The following NPIPA8 variants were observed in gnomAD, a reference collection of about 807,000 sequenced individuals.
NPIPA8 encodes the protein nuclear pore complex-interacting protein family member A8.
In NPIPA8, 1 loss-of-function variant was observed where a neutral mutation model predicts 7.1. That is an observed-to-expected ratio of 0.14 (90% CI 0.05 to 0.66). The LOEUF (loss-of-function observed/expected upper bound fraction) is 0.66, where lower values mean the gene tolerates loss of function less well. Among genes scored for constraint, NPIPA8 ranks in the 30% least tolerant of loss-of-function variants. The probability of loss-of-function intolerance (pLI) is 0.84; values close to 1 mark genes in which losing one functional copy is unlikely to be tolerated.
chr16:18,323,846 A>AG (rs1159167811), intron 4 of NPIPA8, among the ~76,000 whole-genome samples: 58 of 122,050 alleles, frequency 4.8e-4, no homozygotes, highest in African/African-American at 1.4e-3. Flanking sequence ...AAAAAAAAAA[A>AG]AAGAGAAAGG....
chr16:18,324,782 C>A (rs1180725945), intron 2 of NPIPA8, among the ~76,000 whole-genome samples: 15 of 60,850 alleles, frequency 2.5e-4, no homozygotes, highest in Admixed American at 7.6e-4. Context: ...CCAGCCTGAG[C>A]GACAGAATGA....
At chr16:18,324,841 A>G (rs1216743185) in intron 2 of NPIPA8, among the ~76,000 whole-genome samples, 1 of 68,198 alleles carries the variant, frequency 1.5e-5, no homozygotes, top group African/African-American at 6.5e-5. Flanking sequence ...CACACACACA[A>G]AGAATGACAT....
chr16:18,335,820 T>C (rs899362620), upstream of NPIPA8, among the ~76,000 whole-genome samples: 1 of 133,010 alleles, frequency 7.5e-6, no homozygotes, highest in African/African-American at 3.1e-5. Flanking sequence ...TTTGTGGGAT[T>C]TTTTTTTTCT....
At chr16:18,336,161 C>T (rs1900176913), upstream of NPIPA8, among the ~76,000 whole-genome samples, 1 of 100,262 alleles carries the variant, frequency 1.0e-5, no homozygotes, top group Non-Finnish European at 1.9e-5. Flanking sequence ...TGCTATGTTG[C>T]CCAGGCTGGT....
chr16:18,336,215 G>A, upstream of NPIPA8, among the ~76,000 whole-genome samples: 1 of 124,344 alleles, frequency 8.0e-6, no homozygotes, highest in Non-Finnish European at 1.6e-5. Flanking sequence ...GCCTCCTGAA[G>A]TGTTGGGATT....
At chr16:18,336,281 C>T (rs1325927618), upstream of NPIPA8, among the ~76,000 whole-genome samples, 3 of 116,826 alleles carry the variant, frequency 2.6e-5, no homozygotes, top group Admixed American at 2.7e-4. Flanking sequence ...AAGGGACTAA[C>T]TCGGCCTCTT....
upstream of NPIPA8, among the ~76,000 whole-genome samples, chr16:18,336,069 G>A (rs372762095): frequency 0.059 from 8,342 of 141,184 alleles, 31 homozygotes; most frequent in Admixed American, 0.12. Flanking sequence ...TGATCTGCCC[G>A]CCTCGGCCTC....
chr16:18,324,924 CG>C (rs1467501096), intron 2 of NPIPA8, among the ~76,000 whole-genome samples: 1 of 84,240 alleles, frequency 1.2e-5, no homozygotes, highest in East Asian at 2.8e-4. Context: ...AACCTGAGGT[CG>C]GGAGTTTGAG....
chr16:18,323,541 G>T (rs973508617), intron 4 of NPIPA8, among the ~76,000 whole-genome samples: 1 of 50,754 alleles, frequency 2.0e-5, no homozygotes, highest in Non-Finnish European at 4.4e-5. Context: ...AAAAAGGCTG[G>T]GTGCTGGGTG....
intron 4 of NPIPA8, among the ~76,000 whole-genome samples, chr16:18,323,844 A>T (rs1900053805): frequency 8.2e-6 from 1 of 121,606 alleles, no homozygotes; most frequent in African/African-American, 2.9e-5. Context: ...AAAAAAAAAA[A>T]AAAAGAGAAA....
At chr16:18,323,909 A>G (rs1346929380) in intron 4 of NPIPA8, among the ~76,000 whole-genome samples, 182 bp downstream of exon 6, 1 of 143,750 alleles carries the variant, frequency 7.0e-6, no homozygotes, top group African/African-American at 2.5e-5. Context: ...ATGACAAACA[A>G]GAATGTAGGA....
intron 4 of NPIPA8, among the ~76,000 whole-genome samples, chr16:18,323,596 G>A (rs1281319203): frequency 5.3e-5 from 4 of 75,350 alleles, no homozygotes; most frequent in Non-Finnish European, 1.2e-4. Context: ...AGGCTGAGGC[G>A]GGTGGATTAC....
chr16:18,336,006 G>C (rs1460170530), upstream of NPIPA8, among the ~76,000 whole-genome samples: 3 of 151,840 alleles, frequency 2.0e-5, no homozygotes, highest in Non-Finnish European at 4.4e-5. Flanking sequence ...ATTTGTAGTA[G>C]AGACAGGGTT....
At chr16:18,325,053 G>A (rs1488074040) in intron 2 of NPIPA8, among the ~76,000 whole-genome samples, 1 of 64,748 alleles carries the variant, frequency 1.5e-5, no homozygotes, top group Non-Finnish European at 2.9e-5. Context: ...AGAATCACTT[G>A]AATCCAGCAG....
At chr16:18,323,842 A>G in intron 4 of NPIPA8, among the ~76,000 whole-genome samples, 2 of 121,512 alleles carry the variant, frequency 1.6e-5, no homozygotes, top group African/African-American at 2.8e-5. Context: ...AAAAAAAAAA[A>G]AAAAAAGAGA....
At chr16:18,324,839 C>A (rs1596809074) in intron 2 of NPIPA8, among the ~76,000 whole-genome samples, 1 of 86,574 alleles carries the variant, frequency 1.2e-5, no homozygotes. Flanking sequence ...CACACACACA[C>A]AAAGAATGAC....
upstream of NPIPA8, among the ~76,000 whole-genome samples, chr16:18,335,819 T>A (rs1203584020): frequency 8.0e-6 from 1 of 124,914 alleles, no homozygotes; most frequent in Non-Finnish European, 1.6e-5. Flanking sequence ...CTTTGTGGGA[T>A]TTTTTTTTTC....
intron 4 of NPIPA8, among the ~76,000 whole-genome samples, 157 bp downstream of exon 6, chr16:18,323,934 T>C (rs1236917829): frequency 2.8e-5 from 4 of 142,370 alleles, no homozygotes; most frequent in African/African-American, 1.0e-4. Context: ...AAAGGAATTA[T>C]ACAGCTTAAA....
At chr16:18,324,740 T>A (rs1310818188) in intron 2 of NPIPA8, among the ~76,000 whole-genome samples, 1 of 64,600 alleles carries the variant, frequency 1.5e-5, no homozygotes, top group South Asian at 5.0e-4. Context: ...GGAGGCGGAG[T>A]TTGCAGTGAG....
Sources: gnomAD v4.1 joint callset for allele counts (sites outside exome capture counted in the v4.1 genomes callset) on GRCh38, gnomAD v4.1.1 for gene constraint, MANE v1.5 for transcripts, NCBI Gene and HGNC (gene_info 2026-07-23, HGNC 2026-07-21) for gene names.